PCDH11X: variants seen among roughly 807,000 people sequenced by gnomAD.
The protein encoded by PCDH11X is protocadherin 11 X-linked.
PCDH11X carries 18 observed loss-of-function variants against 53.3 expected under a neutral mutation model. That is an observed-to-expected ratio of 0.34 (90% confidence interval 0.23 to 0.50). PCDH11X has a LOEUF of 0.50. Among genes scored for constraint, PCDH11X ranks in the 20% least tolerant of loss-of-function variants. The probability of loss-of-function intolerance (pLI) is 0.98; values close to 1 mark genes in which losing one functional copy is unlikely to be tolerated. For missense variants in PCDH11X, 570 were observed against 1,032.4 expected (o/e 0.55, Z 6.14); for synonymous variants, 279 against 393.3 (o/e 0.71, Z 3.44).
chrX:91,999,148 C>T (rs768878171), intron 6 of PCDH11X, among the ~76,000 whole-genome samples: 246 of 110,411 alleles, frequency 2.2e-3, no homozygotes, highest in African/African-American at 7.8e-3. Context: ...CTTCTGGGCT[C>T]AAGTGATCCT....
intron 10 of PCDH11X, among the ~76,000 whole-genome samples, chrX:92,579,617 T>G (rs1265057371): frequency 9.0e-6 from 1 of 111,361 alleles, no homozygotes; most frequent in Admixed American, 9.6e-5. Flanking sequence ...CTCTCTAAAC[T>G]GGTTATTCTG....
intron 6 of PCDH11X, among the ~76,000 whole-genome samples, chrX:92,072,068 C>T (rs2063710426): frequency 9.0e-6 from 1 of 110,827 alleles, no homozygotes; most frequent in South Asian, 3.9e-4. Flanking sequence ...TCCCTGTGGC[C>T]AGCAGTACAC....
At chrX:92,087,200 T>G (rs907252095) in intron 6 of PCDH11X, among the ~76,000 whole-genome samples, 2 of 110,242 alleles carry the variant, frequency 1.8e-5, no homozygotes, top group African/African-American at 6.6e-5. Flanking sequence ...TTTTAAGTGA[T>G]TCTCTTGCCT....
At chrX:91,962,484 G>C (rs1157452560) in intron 6 of PCDH11X, among the ~76,000 whole-genome samples, 1 of 112,441 alleles carries the variant, frequency 8.9e-6, no homozygotes. Context: ...CTCCATCCCT[G>C]TGGCTTTGCA....
chrX:92,225,497 T>C (rs992425410), intron 7 of PCDH11X, among the ~76,000 whole-genome samples: 1 of 111,373 alleles, frequency 9.0e-6, no homozygotes. Flanking sequence ...CCACCAATTA[T>C]AAAAGATGAA....
At chrX:92,599,798 C>T (rs1033854998) in intron 10 of PCDH11X, among the ~76,000 whole-genome samples, 7 of 111,429 alleles carry the variant, frequency 6.3e-5, no homozygotes, top group African/African-American at 1.6e-4. Flanking sequence ...AAAGTTTGGA[C>T]GTTCCTGGAG....
intron 10 of PCDH11X, among the ~76,000 whole-genome samples, chrX:92,519,435 A>C (rs2148714634): frequency 9.3e-6 from 1 of 107,326 alleles, no homozygotes; most frequent in African/African-American, 3.3e-5. Context: ...TGATTAAATT[A>C]ATATCATTCT....
chrX:92,203,379 T>A (rs921374290), intron 7 of PCDH11X, among the ~76,000 whole-genome samples: 1 of 112,717 alleles, frequency 8.9e-6, no homozygotes. Context: ...TAATTTACGC[T>A]GTTTGCAAAG....
intron 10 of PCDH11X, among the ~76,000 whole-genome samples, chrX:92,498,327 C>G (rs1480236900): frequency 9.1e-6 from 1 of 110,431 alleles, no homozygotes; most frequent in East Asian, 2.8e-4. Flanking sequence ...GTTTCTATAA[C>G]AACGATGCTA....
intron 10 of PCDH11X, among the ~76,000 whole-genome samples, chrX:92,595,213 C>T (rs771454121): frequency 1.6e-3 from 178 of 108,439 alleles, no homozygotes; most frequent in African/African-American, 5.9e-3. Flanking sequence ...CTACACAGTC[C>T]CTGTTTAGGA....
intron 6 of PCDH11X, among the ~76,000 whole-genome samples, chrX:92,138,645 T>C (rs908944355): frequency 6.3e-5 from 7 of 110,966 alleles, no homozygotes; most frequent in African/African-American, 2.3e-4. Context: ...TTAGTTCTTA[T>C]ATTCGTCTTG....
intron 8 of PCDH11X, among the ~76,000 whole-genome samples, chrX:92,383,316 T>G (rs1375503079): frequency 2.7e-5 from 1 of 37,126 alleles, no homozygotes; most frequent in Non-Finnish European, 5.6e-5. Context: ...AAACTGTAGA[T>G]AAATGTTTTT....
intron 7 of PCDH11X, among the ~76,000 whole-genome samples, chrX:92,216,984 T>G (rs1341028658): frequency 4.6e-5 from 5 of 109,882 alleles, no homozygotes; most frequent in African/African-American, 1.7e-4. Flanking sequence ...ATAAAATACT[T>G]TACAGACAAG....
intron 6 of PCDH11X, among the ~76,000 whole-genome samples, chrX:91,963,143 A>G: frequency 9.0e-6 from 1 of 111,687 alleles, no homozygotes; most frequent in South Asian, 3.7e-4. Flanking sequence ...TGAATTTCTT[A>G]TCAGAAAATG....
chrX:91,924,886 C>T (rs1014110335), intron 6 of PCDH11X, among the ~76,000 whole-genome samples: 2 of 110,511 alleles, frequency 1.8e-5, no homozygotes, highest in Non-Finnish European at 3.8e-5. Context: ...TTAAACATGC[C>T]ACTTAGGGGC....
intron 6 of PCDH11X, among the ~76,000 whole-genome samples, chrX:92,008,375 C>G (rs1386452856): frequency 9.0e-5 from 10 of 110,828 alleles, no homozygotes; most frequent in Non-Finnish European, 1.7e-4. Context: ...AAATGCTCTT[C>G]CTGTGGGCGG....
intron 6 of PCDH11X, among the ~76,000 whole-genome samples, chrX:92,188,559 A>C (rs777712793): frequency 9.0e-6 from 1 of 111,718 alleles, no homozygotes; most frequent in African/African-American, 3.2e-5. Context: ...AAACAACATT[A>C]TTGAAAGAAA....
At chrX:92,072,928 C>T (rs1315763801) in intron 6 of PCDH11X, among the ~76,000 whole-genome samples, 1 of 111,186 alleles carries the variant, frequency 9.0e-6, no homozygotes, top group African/African-American at 3.3e-5. Flanking sequence ...TCCTAGAGCA[C>T]GTTAGCTTGT....
chrX:92,496,756 T>G (rs1357419102), intron 10 of PCDH11X, among the ~76,000 whole-genome samples: 1 of 106,768 alleles, frequency 9.4e-6, no homozygotes, highest in Admixed American at 9.7e-5. Flanking sequence ...TAAAATGTTA[T>G]ACCGCAGGTA....
Sources: gnomAD v4.1 joint callset for allele counts (sites outside exome capture counted in the v4.1 genomes callset) on GRCh38, gnomAD v4.1.1 for gene constraint, MANE v1.5 for transcripts, NCBI Gene and HGNC (gene_info 2026-07-23, HGNC 2026-07-21) for gene names.